The following DPP6 variants were observed in gnomAD, a reference collection of about 807,000 sequenced individuals.
DPP6 encodes the protein dipeptidyl peptidase like 6.
In DPP6, 69 loss-of-function variants were observed where a neutral mutation model predicts 122.6. The ratio of observed to expected loss-of-function variants is 0.56; its 90% CI spans 0.46 to 0.69. The LOEUF is 0.69. Ranked by LOEUF, DPP6 falls within the 30% of genes least tolerant of loss-of-function variation. The probability of loss-of-function intolerance (pLI) is 0.00; values close to 1 mark genes in which losing one functional copy is unlikely to be tolerated. For synonymous variants in DPP6, 418 were observed against 433.1 expected, an observed-to-expected ratio of 0.97 and a Z score of 0.43; for missense variants, 928 against 1,116.9, an observed-to-expected ratio of 0.83 and a Z score of 2.41.
In DPP6 at chr7:154,877,838, C is replaced by T. The variant is rs1028157788; in HGVS notation, c.2078+1738C>T. 6.6e-6 allele frequency among the ~76,000 whole-genome samples: 1 copy of T among 152,152 alleles called. No individual in the cohort carries two copies. The highest frequency in any genetic ancestry group is 6.5e-5 in the Admixed American group (1 of 15,274). On this transcript the variant is annotated intron_variant, in intron 20 of 25. Coordinates refer to ENST00000377770, the MANE Select transcript of DPP6 (RefSeq NM_130797.4). This position sits in a 1 kb window ranked among gnomAD's most constrained non-coding sequence, Gnocchi z 5.2. The stretch of plus-strand genomic sequence containing the variant: ...GTCTGACACCAGTGTGGGGCCAGCC[C>T]CTGAGCAGAGGATGTGGGGTGACAA...
At chr7:153,766,173 A>G in the DPP6 span, among the ~76,000 whole-genome samples, 18 of 152,390 alleles carry the variant, frequency 1.2e-4, no homozygotes, top group South Asian at 1.2e-3. Context: ...TAGTTTGCAC[A>G]TAACAGCCTC....
chr7:153,937,220 C>A (rs1801489257), intron 1 of DPP6, among the ~76,000 whole-genome samples: 1 of 152,096 alleles, frequency 6.6e-6, no homozygotes. Context: ...CTGTGGGCCT[C>A]CAGCTTCCAG....
intron 1 of DPP6, among the ~76,000 whole-genome samples, chr7:153,987,641 G>C (rs1585135845): frequency 2.6e-5 from 4 of 152,212 alleles, no homozygotes; most frequent in Admixed American, 2.6e-4. Context: ...AGCAGCGTGA[G>C]GTAGAGTGGC....
At chr7:153,889,370 C>A (rs2128992642) in intron 1 of DPP6, among the ~76,000 whole-genome samples, 1 of 152,300 alleles carries the variant, frequency 6.6e-6, no homozygotes, top group South Asian at 2.1e-4. Flanking sequence ...AAATGCCCAA[C>A]CACATCCATC....
At chr7:153,789,736 TG>T in the DPP6 span, among the ~76,000 whole-genome samples, 2 of 152,204 alleles carry the variant, frequency 1.3e-5, no homozygotes, top group African/African-American at 4.8e-5. Flanking sequence ...GTTTTCATAC[TG>T]GAACTGGGAC....
At chr7:153,865,968 T>C in the DPP6 span, among the ~76,000 whole-genome samples, 2 of 152,198 alleles carry the variant, frequency 1.3e-5, no homozygotes, top group East Asian at 3.9e-4. Context: ...CATGTCCCTA[T>C]AAAGGACATG....
chr7:153,875,268 C>T, the DPP6 span, among the ~76,000 whole-genome samples: 37 of 152,158 alleles, frequency 2.4e-4, no homozygotes, highest in South Asian at 6.2e-4. Context: ...TAAAGTTCTT[C>T]TTCAAAACAA....
intron 4 of DPP6, among the ~76,000 whole-genome samples, chr7:154,542,350 G>C (rs143591493): frequency 6.6e-6 from 1 of 152,214 alleles, no homozygotes; most frequent in Non-Finnish European, 1.5e-5. Context: ...TATTAATAGA[G>C]AGGATAAAAT....
At chr7:154,284,248 G>T (rs1362968411) in intron 1 of DPP6, among the ~76,000 whole-genome samples, 2 of 152,110 alleles carry the variant, frequency 1.3e-5, no homozygotes, top group Non-Finnish European at 2.9e-5. Flanking sequence ...ATTGTTGCTG[G>T]ATGCTACCAG....
intron 1 of DPP6, among the ~76,000 whole-genome samples, chr7:154,353,095 C>T (rs1381197066): frequency 2.0e-5 from 3 of 152,208 alleles, no homozygotes; most frequent in African/African-American, 7.2e-5. Context: ...GGCTTCAGAC[C>T]TGCAGAATCC....
intron 6 of DPP6, among the ~76,000 whole-genome samples, chr7:154,665,360 G>A (rs1187327681): frequency 6.6e-6 from 1 of 152,050 alleles, no homozygotes; most frequent in East Asian, 1.9e-4. Flanking sequence ...AGACTCATGG[G>A]TATTTATTTT....
chr7:154,528,698 A>G (rs1321012683), intron 3 of DPP6, among the ~76,000 whole-genome samples: 1 of 152,218 alleles, frequency 6.6e-6, no homozygotes, highest in Non-Finnish European at 1.5e-5. Flanking sequence ...AAATAACTCT[A>G]TCATGCTGTG....
chr7:154,191,141 G>GCT (rs1424090403), intron 1 of DPP6, among the ~76,000 whole-genome samples: 1 of 152,204 alleles, frequency 6.6e-6, no homozygotes, highest in Non-Finnish European at 1.5e-5. Flanking sequence ...GAGATCCTAT[G>GCT]CTCTGACTGC....
At chr7:154,529,651 T>G (rs1827683565) in intron 3 of DPP6, among the ~76,000 whole-genome samples, 1 of 152,174 alleles carries the variant, frequency 6.6e-6, no homozygotes, top group South Asian at 2.1e-4. Context: ...CGAATTAACA[T>G]AAGCCTGTTT....
At chr7:154,611,566 C>T (rs12719636) in intron 5 of DPP6, among the ~76,000 whole-genome samples, 61,494 of 151,774 alleles carry the variant, frequency 0.41, 13,450 homozygotes, top group East Asian at 0.65. Context: ...ATTAAGCAAC[C>T]AGCCATTCTT....
intron 1 of DPP6, among the ~76,000 whole-genome samples, chr7:154,431,530 CTTTCT>C (rs1255058523): frequency 1.1e-5 from 1 of 89,776 alleles, no homozygotes; most frequent in African/African-American, 6.2e-5. Context: ...TTCTTTCTTT[CTTTCT>C]TTTTTTTTTT....
chr7:154,584,357 T>A (rs1439877849), intron 5 of DPP6, among the ~76,000 whole-genome samples: 1 of 152,196 alleles, frequency 6.6e-6, no homozygotes, highest in Non-Finnish European at 1.5e-5. Flanking sequence ...AGGAGTGGGC[T>A]CCCATACCCG....
At chr7:154,132,113 C>T (rs1231742219) in intron 1 of DPP6, among the ~76,000 whole-genome samples, 1 of 152,036 alleles carries the variant, frequency 6.6e-6, no homozygotes, top group Non-Finnish European at 1.5e-5. Context: ...AATTCTAGGT[C>T]TTAGTGTTCT....
the DPP6 span, among the ~76,000 whole-genome samples, chr7:153,768,735 G>C: frequency 6.6e-6 from 1 of 152,116 alleles, no homozygotes; most frequent in African/African-American, 2.4e-5. Context: ...ATTTTGAAAA[G>C]AGTTCTTTGT....
Sources: allele counts gnomAD v4.1 joint callset (sites outside exome capture counted in the v4.1 genomes callset), GRCh38; gene constraint gnomAD v4.1.1; non-coding constraint Gnocchi (gnomAD v3.1); transcripts MANE v1.5; gene names NCBI Gene and HGNC (gene_info 2026-07-23, HGNC 2026-07-21).